PARM1: variants seen among roughly 807,000 people sequenced by gnomAD.
PARM1 encodes the protein prostate androgen-regulated mucin-like protein 1.
A neutral mutation model predicts 24.6 loss-of-function variants in PARM1; 14 were observed. The ratio of observed to expected loss-of-function variants is 0.57; its 90% CI spans 0.38 to 0.89. PARM1 has a LOEUF of 0.89. Among genes scored for constraint, PARM1 ranks in the 40% least tolerant of loss-of-function variants. The probability of loss-of-function intolerance (pLI) is 0.00; values close to 1 mark genes in which losing one functional copy is unlikely to be tolerated. For synonymous variants in PARM1, 179 were observed against 156.6 expected, an observed-to-expected ratio of 1.14 and a Z score of -1.07; for missense variants, 362 against 380.4, an observed-to-expected ratio of 0.95 and a Z score of 0.40.
intron 1 of PARM1, among the ~76,000 whole-genome samples, chr4:74,997,150 G>A (rs1434165929): frequency 3.3e-5 from 5 of 152,130 alleles, no homozygotes. Flanking sequence ...AGGGTGAGAT[G>A]GGAACCTGTC....
At chr4:74,972,681 A>G (rs1722061707) in intron 1 of PARM1, among the ~76,000 whole-genome samples, 2 of 149,196 alleles carry the variant, frequency 1.3e-5, no homozygotes, top group African/African-American at 2.5e-5. Context: ...AAATACACAA[A>G]GTAGTACTTC....
rs372607678 is a variant in PARM1, at chr4:75,013,098, C to T, written c.717C>T (p.Thr239=). The part of the protein sequence containing the change: ...VMCELIDMET[T]TTFPRVIMQE... ...GTGAGCTCATAGACATGGAGACCAC[C>T]ACCACCTTTCCCAGGGTGATCATGC... Residue 239 remains threonine, a synonymous_variant, in exon 2 of 4, where the codon ACC becomes ACT. Transcript: ENST00000307428. 8.1e-6 allele frequency: 13 copies of T among 1,613,864 alleles called. No homozygotes were observed. The East Asian group carries it at 2.7e-4, about 33-fold the overall frequency.
intron 3 of PARM1, among the ~76,000 whole-genome samples, chr4:75,043,660 C>A (rs1289203170): frequency 6.6e-6 from 1 of 152,168 alleles, no homozygotes; most frequent in Non-Finnish European, 1.5e-5. Flanking sequence ...TTAGGCAGAG[C>A]TCCAGGGCTT....
At chr4:74,936,101 C>T (rs1721178024) in intron 1 of PARM1, among the ~76,000 whole-genome samples, 1 of 152,190 alleles carries the variant, frequency 6.6e-6, no homozygotes, top group East Asian at 1.9e-4. Context: ...ATCCAAAGTA[C>T]TGGGATGACA....
chr4:75,028,724 ACCATCACCTCCT>A (rs1409227844), intron 2 of PARM1, among the ~76,000 whole-genome samples: 1 of 152,170 alleles, frequency 6.6e-6, no homozygotes, highest in East Asian at 1.9e-4. Context: ...GAAACTTTCC[ACCATCACCTCCT>A]CCACCCCCAG....
chr4:75,020,300 A>C (rs1215777784), intron 2 of PARM1, among the ~76,000 whole-genome samples: 3 of 152,164 alleles, frequency 2.0e-5, no homozygotes, highest in Non-Finnish European at 2.9e-5. Flanking sequence ...GTATATGCCC[A>C]GACCTGGTCG....
chr4:74,934,636 C>T (rs1046386585), intron 1 of PARM1, among the ~76,000 whole-genome samples: 16 of 152,240 alleles, frequency 1.1e-4, no homozygotes, highest in Admixed American at 2.0e-4. Context: ...TACTCGCAGG[C>T]GGCTTTGGCT....
chr4:75,027,776 A>G (rs1723210586), intron 2 of PARM1, among the ~76,000 whole-genome samples: 1 of 152,202 alleles, frequency 6.6e-6, no homozygotes, highest in African/African-American at 2.4e-5. Flanking sequence ...ATTGAGCTTC[A>G]TTCTTCCTTC....
chr4:74,978,553 A>G (rs1048093303), intron 1 of PARM1, among the ~76,000 whole-genome samples: 3 of 152,124 alleles, frequency 2.0e-5, no homozygotes, highest in African/African-American at 7.2e-5. Context: ...ATAGATCATC[A>G]AGATAGAAAA....
rs1031923560 is a variant in PARM1 at position 74,999,752 on chromosome 4, C to G, written c.44-12673C>G. ...ATATGTGCTAGCTTATACCTCAAAGCACTGATAAAGGCAGGCCAGGTTTTC... is the reference window on the plus strand; with the variant it reads ...ATATGTGCTAGCTTATACCTCAAAGGACTGATAAAGGCAGGCCAGGTTTTC... On this transcript the variant is annotated intron_variant, in intron 1 of 3. Coordinates refer to ENST00000307428, the MANE Select transcript of PARM1 (RefSeq NM_015393.4). Among the ~76,000 whole-genome samples, 23 of 152,210 alleles carry G rather than the reference C, an allele frequency of 1.5e-4. 1 individual carries two copies. Among genetic ancestry groups the G allele is most frequent in the African/African-American group, 3.9e-4 (16 of 41,532 alleles).
chr4:74,960,924 G>T (rs1380986687), intron 1 of PARM1, among the ~76,000 whole-genome samples: 1 of 151,266 alleles, frequency 6.6e-6, no homozygotes, highest in Non-Finnish European at 1.5e-5. Context: ...AGAATGGCGT[G>T]AACCCGGGAG....
intron 1 of PARM1, among the ~76,000 whole-genome samples, chr4:74,987,853 G>A (rs1310584351): frequency 6.6e-6 from 1 of 152,172 alleles, no homozygotes; most frequent in Admixed American, 6.5e-5. Flanking sequence ...TCTCATTTCA[G>A]TTATTCAAGA....
chr4:74,967,827 A>G (rs554179678), intron 1 of PARM1: 58 of 152,330 alleles, frequency 3.8e-4, no homozygotes, highest in African/African-American at 1.4e-3. Flanking sequence ...ATTTGGCAAA[A>G]TGTAACCATT....
intron 2 of PARM1, among the ~76,000 whole-genome samples, chr4:75,024,316 G>A (rs1400957365): frequency 6.6e-6 from 1 of 152,086 alleles, no homozygotes; most frequent in Non-Finnish European, 1.5e-5. Flanking sequence ...ATGGAGTAAG[G>A]CTAAATTTAG....
chr4:74,995,077 C>A lies in PARM1; in HGVS notation c.44-17348C>A, dbSNP rs531170046. On this transcript the variant is annotated intron_variant, in intron 1 of 3. Coordinates refer to ENST00000307428, the MANE Select transcript of PARM1 (RefSeq NM_015393.4). ...AAATTTTTGTCAACTAAAGGCCATA[C>A]CCTGGGATATAACTGTAAAGTGAAA... 7.9e-5 allele frequency among the ~76,000 whole-genome samples: 12 copies of A among 152,138 alleles called. No individual in the cohort carries two copies. The South Asian group carries it at 2.5e-3, about 32-fold the overall frequency.
chr4:74,969,509 C>A (rs1363033791), intron 1 of PARM1: 5 of 152,144 alleles, frequency 3.3e-5, no homozygotes, highest in Non-Finnish European at 7.3e-5. Context: ...CCTCTGTAGT[C>A]AGAGGAAGGC....
At chr4:74,960,695 A>G (rs1448442401) in intron 1 of PARM1, among the ~76,000 whole-genome samples, 3 of 152,126 alleles carry the variant, frequency 2.0e-5, no homozygotes, top group Non-Finnish European at 4.4e-5. Flanking sequence ...CCTAAAAAAT[A>G]CCCAGTGGAA....
intron 1 of PARM1, among the ~76,000 whole-genome samples, chr4:74,942,292 T>G (rs1721324796): frequency 6.6e-6 from 1 of 152,240 alleles, no homozygotes; most frequent in Non-Finnish European, 1.5e-5. Flanking sequence ...TTCAGTTAAT[T>G]TTTAATTGAG....
intron 1 of PARM1, among the ~76,000 whole-genome samples, chr4:74,970,654 T>C (rs904009459): frequency 1.3e-4 from 20 of 152,350 alleles, no homozygotes; most frequent in African/African-American, 3.8e-4. Flanking sequence ...TTACCGAGCA[T>C]GTTTCAAATC....
Sources: allele counts gnomAD v4.1 joint callset (sites outside exome capture counted in the v4.1 genomes callset), GRCh38; gene constraint gnomAD v4.1.1; transcripts MANE v1.5; gene names NCBI Gene and HGNC (gene_info 2026-07-23, HGNC 2026-07-21).